The following MED27 variants were observed in gnomAD, a reference collection of about 807,000 sequenced individuals.
The protein encoded by MED27 is mediator complex subunit 27.
MED27 carries 30 observed loss-of-function variants against 38.2 expected under a neutral mutation model. The observed-to-expected ratio is 0.79, with a 90% CI of 0.59 to 1.07. MED27 has a LOEUF of 1.07. MED27 is among the 50% of genes least tolerant of loss of function. The probability of loss-of-function intolerance (pLI) is 0.00; values close to 1 mark genes in which losing one functional copy is unlikely to be tolerated. For synonymous variants in MED27, 122 were observed against 153.5 expected, an observed-to-expected ratio of 0.79 and a Z score of 1.52; for missense variants, 289 against 397.5, an observed-to-expected ratio of 0.73 and a Z score of 2.32.
At chr9:131,863,188 T>C (rs763795453) in intron 6 of MED27, 48 bp from the exon 7 acceptor site, 7 of 1,537,738 alleles carry the variant, frequency 4.6e-6, no homozygotes, top group South Asian at 2.2e-5. Flanking sequence ...CAAGCTGGCA[T>C]AGAGAAAACA....
intron 3 of MED27, among the ~76,000 whole-genome samples, chr9:131,991,119 G>A (rs1283173247): frequency 3.9e-5 from 6 of 152,126 alleles, no homozygotes; most frequent in Admixed American, 2.0e-4. Flanking sequence ...TCTCATAGCT[G>A]CTACTTGTAC....
intron 6 of MED27, among the ~76,000 whole-genome samples, chr9:131,863,865 C>T (rs1382512326): frequency 6.6e-6 from 1 of 152,190 alleles, no homozygotes; most frequent in Non-Finnish European, 1.5e-5. Flanking sequence ...AGTTTATCAG[C>T]AAGGCCAAGG....
In MED27 at chr9:131,982,982, C is replaced by T. The variant is rs118055340; in HGVS notation, c.479+31355G>A. Among the ~76,000 whole-genome samples the T allele has an allele frequency of 9.9e-5, 15 of 152,264 alleles. No homozygotes were observed. In the East Asian group the frequency reaches 2.7e-3, roughly 27 times the overall value. On this transcript the variant is annotated intron_variant, in intron 3 of 7. Transcript: ENST00000292035. The surrounding 1 kb of genome is among the most constrained non-coding windows in gnomAD (Gnocchi z 4.3). ...TGAGGATTTTGTTAAAATGTAGATT[C>T]GCATTCAGGAGGATCTGTGACTGAG...
chr9:131,918,394 A>C (rs1830331601), intron 4 of MED27, among the ~76,000 whole-genome samples: 1 of 152,236 alleles, frequency 6.6e-6, no homozygotes, highest in Non-Finnish European at 1.5e-5. Context: ...ATATAAGTGC[A>C]CCACTGCCTC....
chr9:131,903,327 C>T (rs1038172323), intron 4 of MED27, among the ~76,000 whole-genome samples: 2 of 152,178 alleles, frequency 1.3e-5, no homozygotes, highest in African/African-American at 2.4e-5. Context: ...ATCATGAGAA[C>T]GGCACGGGAA....
chr9:132,057,857 C>T (rs2131145883), intron 2 of MED27, among the ~76,000 whole-genome samples: 1 of 152,326 alleles, frequency 6.6e-6, no homozygotes, highest in East Asian at 1.9e-4. Context: ...GTGAGTGGAG[C>T]CCGGTGAAAT....
intron 2 of MED27, among the ~76,000 whole-genome samples, chr9:132,042,010 G>A (rs117020677): frequency 2.6e-5 from 4 of 152,296 alleles, no homozygotes; most frequent in Non-Finnish European, 5.9e-5. Flanking sequence ...AGGATCTGCC[G>A]GCACTGCAGA....
intron 3 of MED27, among the ~76,000 whole-genome samples, chr9:131,949,528 C>T (rs1389392035): frequency 1.3e-5 from 2 of 152,148 alleles, no homozygotes; most frequent in African/African-American, 2.4e-5. Context: ...CTCTGGATTC[C>T]CCATTCTAGG....
chr9:131,959,538 C>T (rs528641515), intron 3 of MED27, among the ~76,000 whole-genome samples: 2 of 152,310 alleles, frequency 1.3e-5, no homozygotes, highest in East Asian at 3.9e-4. Context: ...CCACAGCGGG[C>T]AAATCACCCA....
chr9:131,865,513 C>A (rs988464902), intron 6 of MED27, among the ~76,000 whole-genome samples: 12 of 152,176 alleles, frequency 7.9e-5, no homozygotes, highest in Non-Finnish European at 1.6e-4. Flanking sequence ...TACAGAAGAA[C>A]CAAAGTTTCT....
chr9:132,015,025 T>C (rs1196423509), intron 2 of MED27, among the ~76,000 whole-genome samples: 1 of 152,220 alleles, frequency 6.6e-6, no homozygotes, highest in Non-Finnish European at 1.5e-5. Flanking sequence ...CACCATATCT[T>C]GCTTATAATA....
chr9:131,912,907 T>C (rs971553119), intron 4 of MED27, among the ~76,000 whole-genome samples: 7 of 152,198 alleles, frequency 4.6e-5, no homozygotes, highest in African/African-American at 1.7e-4. Context: ...CTACTTAAAA[T>C]TCCTGGAACA....
chr9:132,072,275 A>G (rs1039313261), intron 2 of MED27, among the ~76,000 whole-genome samples: 3 of 151,884 alleles, frequency 2.0e-5, no homozygotes, highest in South Asian at 2.1e-4. Flanking sequence ...CTTCAACCCT[A>G]TGATCCAAAT....
chr9:131,936,426 C>T (rs966106101), intron 4 of MED27, among the ~76,000 whole-genome samples: 4 of 152,246 alleles, frequency 2.6e-5, no homozygotes, highest in African/African-American at 7.2e-5. Context: ...TCCACACAGA[C>T]GTTCACTGTG....
At chr9:131,885,382 ATATACAGAT>A (rs1839121402) in intron 5 of MED27, among the ~76,000 whole-genome samples, 1 of 152,054 alleles carries the variant, frequency 6.6e-6, no homozygotes, top group Non-Finnish European at 1.5e-5. Context: ...TTGTTTTTTG[ATATACAGAT>A]TGCTCAGTTC....
At chr9:132,004,342 G>A (rs147133472) in intron 3 of MED27, among the ~76,000 whole-genome samples, 181 of 152,270 alleles carry the variant, frequency 1.2e-3, no homozygotes, top group African/African-American at 4.1e-3. Flanking sequence ...GGGATTCCTC[G>A]TTTATTTCTC....
At chr9:132,011,881 T>C (rs1353573610) in intron 3 of MED27, among the ~76,000 whole-genome samples, 1 of 152,188 alleles carries the variant, frequency 6.6e-6, no homozygotes, top group Non-Finnish European at 1.5e-5. Flanking sequence ...AGTAACCACT[T>C]TTCTCTTTGA....
At chr9:132,061,126 G>T (rs1052223204) in intron 2 of MED27, among the ~76,000 whole-genome samples, 3 of 152,206 alleles carry the variant, frequency 2.0e-5, no homozygotes, top group Admixed American at 1.3e-4. Context: ...GACACTTTAG[G>T]ATAGAAAGGG....
At chr9:132,001,210 G>A (rs1013273446) in intron 3 of MED27, among the ~76,000 whole-genome samples, 3 of 152,104 alleles carry the variant, frequency 2.0e-5, no homozygotes, top group Non-Finnish European at 4.4e-5. Context: ...TTGGGGTGAG[G>A]GTGAAAGGAA....
Sources: allele counts gnomAD v4.1 joint callset (sites outside exome capture counted in the v4.1 genomes callset), GRCh38; gene constraint gnomAD v4.1.1; non-coding constraint Gnocchi (gnomAD v3.1); transcripts MANE v1.5; gene names NCBI Gene and HGNC (gene_info 2026-07-23, HGNC 2026-07-21).